Variants in OXR1 observed in about 807,000 individuals in gnomAD.
OXR1 encodes the protein oxidation resistance 1, also known as oxidation resistance protein 1.
Under a neutral mutation model 104.6 loss-of-function variants are expected in OXR1, and 41 were observed. The ratio of observed to expected loss-of-function variants is 0.39; its 90% CI spans 0.31 to 0.51. The LOEUF is 0.51. Ranked by LOEUF, OXR1 falls within the 20% of genes least tolerant of loss-of-function variation. OXR1 has a pLI of 0.77. For synonymous variants in OXR1, 348 were observed against 348.4 expected (o/e 1.00, Z 0.01); for missense variants, 955 against 1,031.9 (o/e 0.93, Z 1.02).
At chr8:106,538,225 G>A (rs1053801833) in intron 3 of OXR1, among the ~76,000 whole-genome samples, 2 of 152,038 alleles carry the variant, frequency 1.3e-5, no homozygotes, top group Non-Finnish European at 2.9e-5. Context: ...GACCCCTTTA[G>A]GCCTCAAATT....
chr8:106,317,447 CA>C (rs1204559099), intron 1 of OXR1, among the ~76,000 whole-genome samples: 1 of 151,998 alleles, frequency 6.6e-6, no homozygotes, highest in Non-Finnish European at 1.5e-5. Context: ...CAAATTTAGG[CA>C]ACTATTTACT....
chr8:106,279,458 A>G (rs1209462811), intron 1 of OXR1, among the ~76,000 whole-genome samples: 1 of 152,158 alleles, frequency 6.6e-6, no homozygotes, highest in East Asian at 1.9e-4. Flanking sequence ...TTTCTTTGGT[A>G]TTGCAGTTTT....
At chr8:106,720,767 T>C (rs1832757797) in intron 11 of OXR1, 4 of 874,500 alleles carry the variant, frequency 4.6e-6, no homozygotes, top group Non-Finnish European at 5.5e-6. Context: ...CTTTGAACTT[T>C]GTCTTCTTCA....
intron 1 of OXR1, among the ~76,000 whole-genome samples, chr8:106,303,286 C>T (rs1163335870): frequency 1.5e-4 from 19 of 129,222 alleles, no homozygotes; most frequent in Admixed American, 1.7e-4. Context: ...CAGAGTCTCA[C>T]TCTGTCACCC....
chr8:106,324,959 G>A (rs188859209), intron 1 of OXR1, among the ~76,000 whole-genome samples: 11 of 152,218 alleles, frequency 7.2e-5, no homozygotes, highest in Non-Finnish European at 1.2e-4. Context: ...AATCCTGGTC[G>A]TTCAACTTGA....
intron 3 of OXR1, among the ~76,000 whole-genome samples, chr8:106,626,639 G>T (rs1330559738): frequency 6.8e-6 from 1 of 146,778 alleles, no homozygotes; most frequent in Admixed American, 6.8e-5. Context: ...CTTGAGGTAT[G>T]TGTTTAATAA....
intron 3 of OXR1, among the ~76,000 whole-genome samples, chr8:106,531,269 C>T (rs2034655): frequency 0.69 from 104,804 of 152,030 alleles, 36,277 homozygotes; most frequent in Admixed American, 0.76. Flanking sequence ...ACTAATGTAA[C>T]ATAAACTCTT....
At chr8:106,695,511 A>T (rs887855292) in intron 7 of OXR1, among the ~76,000 whole-genome samples, 6 of 150,696 alleles carry the variant, frequency 4.0e-5, no homozygotes, top group Admixed American at 2.0e-4. Context: ...TCCGCCTCCC[A>T]GGTTCAAGCA....
intron 1 of OXR1, among the ~76,000 whole-genome samples, chr8:106,322,790 C>A (rs576119097): frequency 6.6e-6 from 1 of 152,064 alleles, no homozygotes; most frequent in South Asian, 2.1e-4. Context: ...TCACAGTTGC[C>A]ACAAAAAGAA....
chr8:106,629,683 T>A (rs1481305081), intron 3 of OXR1, among the ~76,000 whole-genome samples: 1 of 152,200 alleles, frequency 6.6e-6, no homozygotes, highest in African/African-American at 2.4e-5. Flanking sequence ...TACCTTTAAA[T>A]ACAGAGAACC....
intron 2 of OXR1, among the ~76,000 whole-genome samples, chr8:106,488,845 A>G (rs1287356960): frequency 6.6e-6 from 1 of 150,654 alleles, no homozygotes; most frequent in East Asian, 1.9e-4. Flanking sequence ...TATAGTTTGA[A>G]GTCAGGTAGT....
chr8:106,572,260 T>G (rs1170350271), intron 3 of OXR1, among the ~76,000 whole-genome samples: 1 of 152,178 alleles, frequency 6.6e-6, no homozygotes, highest in African/African-American at 2.4e-5. Flanking sequence ...TTCCATCCCT[T>G]CAGTTCAAAC....
At chr8:106,439,205 TA>T (rs1819690689) in intron 2 of OXR1, among the ~76,000 whole-genome samples, 1 of 152,058 alleles carries the variant, frequency 6.6e-6, no homozygotes, top group Non-Finnish European at 1.5e-5. Flanking sequence ...CAATAAGGAT[TA>T]GATTAGATCA....
chr8:106,661,737 A>G (rs1167602927), intron 3 of OXR1, among the ~76,000 whole-genome samples: 2 of 152,158 alleles, frequency 1.3e-5, no homozygotes, highest in Non-Finnish European at 2.9e-5. Flanking sequence ...CAGCCCTTTT[A>G]CATTTTCTTT....
intron 3 of OXR1, among the ~76,000 whole-genome samples, chr8:106,582,175 GACATATATAT>G (rs924572334): frequency 4.0e-4 from 24 of 60,070 alleles, no homozygotes; most frequent in African/African-American, 2.7e-3. Context: ...TTTTTCTATT[GACATATATAT>G]ATATATATAT....
intron 3 of OXR1, among the ~76,000 whole-genome samples, chr8:106,547,726 C>T (rs1815484726): frequency 6.6e-6 from 1 of 152,100 alleles, no homozygotes; most frequent in East Asian, 1.9e-4. Context: ...CTACTGACCT[C>T]ATCACCTGCC....
chr8:106,430,828 G>A (rs924936344), intron 2 of OXR1, among the ~76,000 whole-genome samples: 1 of 152,088 alleles, frequency 6.6e-6, no homozygotes, highest in Admixed American at 6.6e-5. Context: ...TCTATCTTAT[G>A]GACTACAGTA....
At chr8:106,392,191 C>A (rs1366248195) in intron 2 of OXR1, among the ~76,000 whole-genome samples, 6 of 152,112 alleles carry the variant, frequency 3.9e-5, no homozygotes, top group Admixed American at 3.9e-4. Context: ...CTGATTTTTC[C>A]CATTGCTTAG....
intron 3 of OXR1, among the ~76,000 whole-genome samples, chr8:106,669,474 A>G (rs1401139764): frequency 1.3e-5 from 2 of 152,168 alleles, no homozygotes; most frequent in Non-Finnish European, 2.9e-5. Flanking sequence ...TAAGGAGTCA[A>G]TAGTGAAATG....
Sources: allele counts gnomAD v4.1 joint callset (sites outside exome capture counted in the v4.1 genomes callset), GRCh38; gene constraint gnomAD v4.1.1; transcripts MANE v1.5; gene names NCBI Gene and HGNC (gene_info 2026-07-23, HGNC 2026-07-21).